Variants in IL7R observed in about 807,000 individuals in gnomAD.
The protein encoded by IL7R is interleukin 7 receptor.
In IL7R, 38 loss-of-function variants were observed where a neutral mutation model predicts 47.0. That is an observed-to-expected ratio of 0.81 (90% CI 0.62 to 1.06). The LOEUF (loss-of-function observed/expected upper bound fraction) is 1.06. Among genes scored for constraint, IL7R ranks in the 50% least tolerant of loss-of-function variants. The probability of loss-of-function intolerance (pLI) is 0.00; values close to 1 mark genes in which losing one functional copy is unlikely to be tolerated. For missense variants in IL7R, 633 were observed against 534.8 expected, an observed-to-expected ratio of 1.18 and a Z score of -1.81; for synonymous variants, 221 against 199.8, an observed-to-expected ratio of 1.11 and a Z score of -0.89.
At chr5:35,861,481 T>C (rs1362048490) in intron 2 of IL7R, among the ~76,000 whole-genome samples, 3 of 152,174 alleles carry the variant, frequency 2.0e-5, no homozygotes, top group African/African-American at 7.2e-5. Context: ...AGGAAGGCTG[T>C]GATGGTTAAA....
In IL7R at chr5:35,879,211, G is replaced by A; in HGVS notation, c.*2725G>A. On this transcript the variant is annotated 3_prime_UTR_variant, in exon 8 of 8. Coordinates refer to ENST00000303115, the MANE Select transcript of IL7R (RefSeq NM_002185.5). ...ACATGACTGGGTCTAGGGCACCCAG[G>A]CTGATTCAGCTGATTTCCTACCAGC... 4.3e-6 allele frequency: 1 copy of A among 233,004 alleles called. No homozygotes were observed. Among genetic ancestry groups the A allele is most frequent in the Non-Finnish European group, 8.5e-6 (1 of 117,852 alleles). The allele number at this position is 233,004 out of a possible 1,614,324, so 14.4% of individuals were successfully genotyped here.
Position 35,866,103 on chromosome 5 carries a change from G to T in IL7R, c.222-1203G>T, listed in dbSNP as rs1434230509. The stretch of plus-strand genomic sequence containing the variant: ...GGAAGTGTCTTTCTATTTCTTATTT[G>T]CTGTGAGTTTTTAACATGAATAGAT... On this transcript the variant is annotated intron_variant, in intron 2 of 7. Coordinates refer to ENST00000303115, the MANE Select transcript of IL7R (RefSeq NM_002185.5). Among the ~76,000 whole-genome samples, 20 of 152,046 alleles carry T rather than the reference G, an allele frequency of 1.3e-4. 1 individual carries two copies. Among genetic ancestry groups the T allele is most frequent in the Admixed American group, 1.3e-3 (20 of 15,246 alleles).
chr5:35,874,128 G>A (rs975436658), intron 5 of IL7R, among the ~76,000 whole-genome samples: 1 of 152,100 alleles, frequency 6.6e-6, no homozygotes, highest in African/African-American at 2.4e-5. Context: ...TTTGCAACAG[G>A]GGTGAACATC....
chr5:35,864,984 A>C (rs1340665749), intron 2 of IL7R, among the ~76,000 whole-genome samples: 1 of 151,980 alleles, frequency 6.6e-6, no homozygotes, highest in African/African-American at 2.4e-5. Flanking sequence ...ATTATACTTT[A>C]AGTTCTAGGG....
intron 4 of IL7R, 33 bp from the exon 5 acceptor site, chr5:35,873,447 A>G: frequency 6.3e-7 from 1 of 1,592,290 alleles, no homozygotes; most frequent in Non-Finnish European, 8.6e-7. Flanking sequence ...CTCTTTTCCC[A>G]TCCTAAGAAT....
intron 6 of IL7R, 139 bp from the exon 7 acceptor site, chr5:35,875,373 C>G (rs1580863769): frequency 1.4e-6 from 1 of 725,002 alleles, no homozygotes; most frequent in Non-Finnish European, 2.5e-6. Flanking sequence ...AGTCTCTTGA[C>G]CATGGTCACC....
chr5:35,878,965 A>G lies in IL7R; in HGVS notation c.*2479A>G, dbSNP rs1270525952. The G allele has an allele frequency of 1.3e-5, 3 of 232,784 alleles. No individual in the cohort carries two copies. The highest frequency in any genetic ancestry group is 5.6e-5 in the Admixed American group (1 of 17,768). The allele number at this position is 232,784 out of a possible 1,614,324, so 14.4% of individuals were successfully genotyped here. A position where few individuals can be genotyped will look rare whatever the true frequency, so the allele number is the denominator to read the frequency against. ...TCTGTTACTGTAGTATTTAAAATGC[A>G]TGTATTATAATCATATAATCATAAC... On this transcript the variant is annotated 3_prime_UTR_variant, in exon 8 of 8. Coordinates refer to ENST00000303115, the MANE Select transcript of IL7R (RefSeq NM_002185.5).
rs1200632194 is a variant in IL7R, at chr5:35,875,492, T to G, written c.801-20T>G. The stretch of plus-strand genomic sequence containing the variant: ...TGCCCTCTGCCATTCACTTCATCTA[T>G]CAATGTTCTCTGATTTCAGGATTAA... On this transcript the variant is annotated intron_variant, in intron 6 of 7. Transcript: ENST00000303115. 6.4e-7 allele frequency: 1 copy of G among 1,571,264 alleles called. No homozygotes were observed. Among genetic ancestry groups the G allele is most frequent in the Non-Finnish European group, 8.8e-7 (1 of 1,140,966 alleles).
intron 2 of IL7R, among the ~76,000 whole-genome samples, chr5:35,865,515 G>A (rs186761215): frequency 6.6e-6 from 1 of 152,242 alleles, no homozygotes; most frequent in East Asian, 1.9e-4. Context: ...TCTAGCTCTG[G>A]ATCCTTGAGG....
At chr5:35,865,935 C>A (rs1410280261) in intron 2 of IL7R, among the ~76,000 whole-genome samples, 1 of 152,132 alleles carries the variant, frequency 6.6e-6, no homozygotes, top group Admixed American at 6.6e-5. Context: ...TTGGCTAAAA[C>A]CTCCTGTACA....
Position 35,867,726 on chromosome 5 carries a change from G to A in IL7R, c.379+263G>A, listed in dbSNP as rs188097348. ...CTACATGAAGTGGCTAACTGGAGCT[G>A]GGCTTCCTGTCATCCATCACAGGTG... On this transcript the variant is annotated intron_variant, in intron 3 of 7. Transcript: ENST00000303115. The A allele has an allele frequency of 4.0e-5, 24 of 600,496 alleles. No homozygotes were observed. In the African/African-American group the frequency reaches 4.3e-4, roughly 11 times the overall value. 37.2% of individuals were successfully genotyped at this position (600,496 alleles called of 1,614,324 possible).
intron 7 of IL7R, 53 bp downstream of exon 7, chr5:35,875,640 A>C: frequency 7.8e-7 from 1 of 1,278,984 alleles, no homozygotes; most frequent in South Asian, 1.2e-5. Context: ...CCCAGTGGCC[A>C]AGAATGATAT....
At chr5:35,873,421 G>A (rs2149903215) in intron 4 of IL7R, 59 bp from the exon 5 acceptor site, 1 of 1,373,404 alleles carries the variant, frequency 7.3e-7, no homozygotes, top group Middle Eastern at 1.8e-4. Context: ...AATGATTTGG[G>A]AGATTTAGGC....
At position 35,873,657 on chromosome 5, in the gene IL7R, T is replaced by C. The variant is rs745320203; in HGVS notation, c.706+9T>C. On this transcript the variant is annotated intron_variant, in intron 5 of 7. Coordinates refer to ENST00000303115, the MANE Select transcript of IL7R (RefSeq NM_002185.5). ...GATCAATAATAGCTCAGGTAAGGAA[T>C]GGTGGTAGAGTTTTTGTTCCCTCAG... 5 of 1,613,272 alleles carry C rather than the reference T, an allele frequency of 3.1e-6. No individual in the cohort carries two copies. The East Asian group carries it at 8.9e-5, about 29-fold the overall frequency.
chr5:35,870,871 C>T (rs770383224), intron 3 of IL7R, among the ~76,000 whole-genome samples, 185 bp from the exon 4 acceptor site: 19 of 152,208 alleles, frequency 1.2e-4, no homozygotes, highest in Non-Finnish European at 2.1e-4. Flanking sequence ...CCACACCCCA[C>T]TGCAAGAGAG....
intron 5 of IL7R, among the ~76,000 whole-genome samples, chr5:35,874,177 A>G (rs940807317): frequency 2.0e-5 from 3 of 152,154 alleles, no homozygotes; most frequent in Non-Finnish European, 2.9e-5. Flanking sequence ...TTTCCTTGGT[A>G]GAAAGTCAAG....
At chr5:35,873,311 T>C in intron 4 of IL7R, 169 bp from the exon 5 acceptor site, 1 of 671,622 alleles carries the variant, frequency 1.5e-6, no homozygotes, top group Non-Finnish European at 2.7e-6. Context: ...ATTCTGTCCC[T>C]AATTTTGCTG....
intron 1 of IL7R, among the ~76,000 whole-genome samples, chr5:35,859,988 G>T (rs571957176): frequency 6.6e-6 from 1 of 151,654 alleles, no homozygotes; most frequent in South Asian, 2.1e-4. Context: ...ACAAAATGTA[G>T]ATTTCATTAT....
chr5:35,866,527 G>T (rs759440297), intron 2 of IL7R, among the ~76,000 whole-genome samples: 1 of 152,012 alleles, frequency 6.6e-6, no homozygotes, highest in Non-Finnish European at 1.5e-5. Context: ...TAACCATCAA[G>T]CATAGAGTTT....
Sources: allele counts gnomAD v4.1 joint callset (sites outside exome capture counted in the v4.1 genomes callset), GRCh38; gene constraint gnomAD v4.1.1; transcripts MANE v1.5; gene names NCBI Gene and HGNC (gene_info 2026-07-23, HGNC 2026-07-21).